The following MOK variants were observed in gnomAD, a reference collection of about 807,000 sequenced individuals.
MOK encodes MAPK/MAK/MRK overlapping kinase.
MOK carries 59 observed loss-of-function variants against 54.2 expected under a neutral mutation model. The observed-to-expected ratio is 1.09, with a 90% CI of 0.88 to 1.35. MOK has a LOEUF of 1.35. Among genes scored for constraint, MOK ranks in the 40% most tolerant of loss-of-function variants. The pLI, the probability that MOK is intolerant of heterozygous loss-of-function variation, is 0.00. For missense variants in MOK, 517 were observed against 526.2 expected (o/e 0.98, Z 0.17); for synonymous variants, 210 against 202.7 (o/e 1.04, Z -0.31).
In MOK at chr14:102,305,135, T is replaced by G. The variant is rs920160453; in HGVS notation, c.-167A>C. On this transcript the variant is annotated 5_prime_UTR_variant, in exon 1 of 12. Transcript: ENST00000361847. ...TTAGAGATCCCGCCGCCATGTTGTG[T>G]CCCTGTCACCCTAGCAACCGTCAGG... 4 of 811,908 alleles carry G rather than the reference T, an allele frequency of 4.9e-6. No individual in the cohort carries two copies. Among genetic ancestry groups the G allele is most frequent in the Admixed American group, 4.3e-5 (2 of 46,164 alleles). 50.3% of individuals were successfully genotyped at this position (811,908 alleles called of 1,614,324 possible).
At chr14:102,222,347 A>AC (rs746544411), downstream of MOK, among the ~76,000 whole-genome samples, 3 of 152,148 alleles carry the variant, frequency 2.0e-5, no homozygotes, top group East Asian at 1.9e-4. This position sits in a 1 kb window ranked among gnomAD's most constrained non-coding sequence, Gnocchi z 4.4. Context: ...CAAAGCAAGA[A>AC]CCCCCCAGCA....
chr14:102,229,801 C>A, intron 10 of MOK, 144 bp from the exon 11 acceptor site: 1 of 746,758 alleles, frequency 1.3e-6, no homozygotes, highest in Non-Finnish European at 2.1e-6. Context: ...TCCACCAGGT[C>A]CCAGACACCC....
chr14:102,258,324 T>C (rs926763802), intron 4 of MOK, among the ~76,000 whole-genome samples: 1 of 152,190 alleles, frequency 6.6e-6, no homozygotes, highest in Non-Finnish European at 1.5e-5. Context: ...CATGGGCCTC[T>C]TCCCTCACGG....
chr14:102,239,405 A>T (rs1429982230), intron 7 of MOK, among the ~76,000 whole-genome samples: 2 of 151,832 alleles, frequency 1.3e-5, no homozygotes, highest in African/African-American at 4.8e-5. Context: ...TCCTTCTGAG[A>T]CCCTTTCCTC....
intron 1 of MOK, among the ~76,000 whole-genome samples, chr14:102,302,559 GTGCC>G (rs2072349948): frequency 6.6e-6 from 1 of 151,590 alleles, no homozygotes; most frequent in African/African-American, 2.4e-5. Context: ...GGGACTACAG[GTGCC>G]CACCACCACG....
chr14:102,226,153 G>A (rs565895508), downstream of MOK: 128 of 596,538 alleles, frequency 2.1e-4, no homozygotes, highest in South Asian at 2.4e-3. This position sits in a 1 kb window ranked among gnomAD's most constrained non-coding sequence, Gnocchi z 4.8. Flanking sequence ...AATGGCTGAT[G>A]GAGATGGCTG....
intron 2 of MOK, among the ~76,000 whole-genome samples, chr14:102,279,227 A>C (rs1433273706): frequency 6.6e-6 from 1 of 152,048 alleles, no homozygotes; most frequent in African/African-American, 2.4e-5. Flanking sequence ...TAAGAGACTC[A>C]CTCCATTTCT....
At chr14:102,224,669 G>A (rs1187570237), downstream of MOK, 2 of 455,994 alleles carry the variant, frequency 4.4e-6, no homozygotes, top group Admixed American at 2.3e-5. Context: ...CTTCACATCA[G>A]CTCAGCCCTC....
At position 102,276,493 on chromosome 14, in the gene MOK, T is replaced by A. The variant is rs146322037; in HGVS notation, c.122+6985A>T. Among the ~76,000 whole-genome samples the A allele has an allele frequency of 5.6e-3, 843 of 151,712 alleles. 8 individuals carry two copies. Among genetic ancestry groups the A allele is most frequent in the African/African-American group, 0.019 (781 of 41,406 alleles). On this transcript the variant is annotated intron_variant, in intron 2 of 11. Transcript: ENST00000361847. ...CTCTGTCTCAAATAAATAAATTAATTAATTAAATTAAATAAAAAAATAAAA... is the reference window on the plus strand; with the variant it reads ...CTCTGTCTCAAATAAATAAATTAATAAATTAAATTAAATAAAAAAATAAAA...
chr14:102,275,540 G>T (rs1216300587), intron 2 of MOK, among the ~76,000 whole-genome samples: 1 of 149,186 alleles, frequency 6.7e-6, no homozygotes, highest in African/African-American at 2.5e-5. Flanking sequence ...GTCCAGCCTG[G>T]GTGACAGAGC....
At chr14:102,224,629 C>T, downstream of MOK, 1 of 456,012 alleles carries the variant, frequency 2.2e-6, no homozygotes. Context: ...GCTACATTTT[C>T]ACCATTTGTA....
intron 2 of MOK, 21 bp from the exon 3 acceptor site, chr14:102,265,933 G>T (rs752448142): frequency 1.9e-6 from 3 of 1,568,982 alleles, no homozygotes; most frequent in South Asian, 2.3e-5. Context: ...GGTAAAAATG[G>T]ATAGCTCATT....
At chr14:102,258,408 C>T (rs2067137789) in intron 4 of MOK, among the ~76,000 whole-genome samples, 1 of 152,168 alleles carries the variant, frequency 6.6e-6, no homozygotes, top group African/African-American at 2.4e-5. Flanking sequence ...AACACATTGG[C>T]CTGTTTTATT....
intron 1 of MOK, among the ~76,000 whole-genome samples, chr14:102,295,403 T>C (rs1028775306): frequency 6.6e-6 from 1 of 152,196 alleles, no homozygotes; most frequent in Admixed American, 6.6e-5. Context: ...TTTTGTGAAA[T>C]GCAAAACTTG....
At chr14:102,222,715 C>G, downstream of MOK, 9 of 1,066,434 alleles carry the variant, frequency 8.4e-6, no homozygotes, top group Non-Finnish European at 1.3e-5. This position sits in a 1 kb window ranked among gnomAD's most constrained non-coding sequence, Gnocchi z 4.4. Context: ...CCCACACTGG[C>G]TTCCACATCA....
rs2066005391 is a variant in MOK at position 102,245,265 on chromosome 14, CA to C, written c.590+5546del. ...TCTCTCCCACTCCAGGTTCCCACGCCACCCCTAATCCCACTCGAAGCAGCCC... is the reference window on the plus strand; with the variant it reads ...TCTCTCCCACTCCAGGTTCCCACGCCCCCCTAATCCCACTCGAAGCAGCCC... On this transcript the variant is annotated intron_variant, in intron 7 of 11. Coordinates refer to ENST00000361847, the MANE Select transcript of MOK (RefSeq NM_014226.3). This position sits in a 1 kb window ranked among gnomAD's most constrained non-coding sequence, Gnocchi z 4.3. 6.6e-6 allele frequency among the ~76,000 whole-genome samples: 1 copy of C among 152,074 alleles called. No individual in the cohort carries two copies. The highest frequency in any genetic ancestry group is 2.4e-5 in the African/African-American group (1 of 41,384).
rs1318093996 is a variant in MOK, at chr14:102,252,007, A to G, written c.284-12T>C. Reference sequence around the variant, plus strand: ...TGGGTATCTTCTCCCTGTACAATCAAGGAAATAGGCAAATACGGTTACTGA... The same window carrying G: ...TGGGTATCTTCTCCCTGTACAATCAGGGAAATAGGCAAATACGGTTACTGA... On this transcript the variant is annotated splice_polypyrimidine_tract_variant and intron_variant, in intron 4 of 11. Coordinates refer to ENST00000361847, the MANE Select transcript of MOK (RefSeq NM_014226.3). 2 of 1,470,590 alleles carry G rather than the reference A, an allele frequency of 1.4e-6. No individual in the cohort carries two copies. The highest frequency in any genetic ancestry group is 1.9e-6 in the Non-Finnish European group (2 of 1,054,744). The allele number at this position is 1,470,590 out of a possible 1,614,324, so 91.1% of individuals were successfully genotyped here. A position where few individuals can be genotyped will look rare whatever the true frequency, so the allele number is the denominator to read the frequency against.
At chr14:102,270,179 A>G (rs1260110419) in intron 2 of MOK, among the ~76,000 whole-genome samples, 1 of 152,254 alleles carries the variant, frequency 6.6e-6, no homozygotes, top group Non-Finnish European at 1.5e-5. Flanking sequence ...ATCACAAGGG[A>G]AATTAGAAAA....
At chr14:102,256,959 C>T (rs1441289206) in intron 4 of MOK, among the ~76,000 whole-genome samples, 3 of 152,054 alleles carry the variant, frequency 2.0e-5, no homozygotes, top group South Asian at 2.1e-4. Flanking sequence ...TACTAACTCA[C>T]GCCAAAGAAT....
Sources: allele counts gnomAD v4.1 joint callset (sites outside exome capture counted in the v4.1 genomes callset), GRCh38; gene constraint gnomAD v4.1.1; non-coding constraint Gnocchi (gnomAD v3.1); transcripts MANE v1.5; gene names NCBI Gene and HGNC (gene_info 2026-07-23, HGNC 2026-07-21).